Variants in FAF2 observed in about 807,000 individuals in gnomAD.
The protein encoded by FAF2 is Fas associated factor family member 2, also known as FAS-associated factor 2.
In FAF2, 9 loss-of-function variants were observed where a neutral mutation model predicts 62.3. The ratio of observed to expected loss-of-function variants is 0.14; its 90% CI spans 0.09 to 0.25. The LOEUF (loss-of-function observed/expected upper bound fraction) is 0.25. Among genes scored for constraint, FAF2 ranks in the 10% least tolerant of loss-of-function variants. The probability of loss-of-function intolerance (pLI) is 1.00; values close to 1 mark genes in which losing one functional copy is unlikely to be tolerated. For synonymous variants in FAF2, 202 were observed against 198.0 expected (o/e 1.02, Z -0.17); for missense variants, 368 against 556.2 (o/e 0.66, Z 3.40).
chr5:176,510,029 CATTGT>C lies in FAF2; in HGVS notation c.*3086_*3090del, dbSNP rs929069924. ...TTTAAATTTTTTTCATAAAAGTTTA[CATTGT>C]ATTGTAGGTTAACATTAAATGTTTT... On this transcript the variant is annotated 3_prime_UTR_variant, in exon 11 of 11. Transcript: ENST00000261942. The C allele has an allele frequency of 2.0e-5, 3 of 152,582 alleles. No homozygotes were observed. Among genetic ancestry groups the C allele is most frequent in the African/African-American group, 4.8e-5 (2 of 41,440 alleles). The allele number at this position is 152,582 out of a possible 1,614,324, so 9.5% of individuals were successfully genotyped here. A position where few individuals can be genotyped will look rare whatever the true frequency, so the allele number is the denominator to read the frequency against.
intron 10 of FAF2, among the ~76,000 whole-genome samples, chr5:176,505,880 G>A (rs1052581633): frequency 6.6e-6 from 1 of 152,124 alleles, no homozygotes; most frequent in South Asian, 2.1e-4. Flanking sequence ...CTTAAAACTG[G>A]ATCCTTGGCT....
At chr5:176,466,232 C>A (rs1561817742) in intron 1 of FAF2, among the ~76,000 whole-genome samples, 1 of 152,168 alleles carries the variant, frequency 6.6e-6, no homozygotes, top group Non-Finnish European at 1.5e-5. Flanking sequence ...TTTCAGATTT[C>A]ATTTCTCCTG....
chr5:176,475,519 G>A (rs1356719219), intron 1 of FAF2, among the ~76,000 whole-genome samples: 1 of 152,138 alleles, frequency 6.6e-6, no homozygotes, highest in Non-Finnish European at 1.5e-5. Flanking sequence ...GCTCACGCCT[G>A]TAATCCCAAC....
chr5:176,451,622 T>C (rs1758170972), intron 1 of FAF2, among the ~76,000 whole-genome samples: 1 of 149,904 alleles, frequency 6.7e-6, no homozygotes, highest in African/African-American at 2.5e-5. Flanking sequence ...CTTTCACAAG[T>C]AGTAAGTGGT....
intron 2 of FAF2, among the ~76,000 whole-genome samples, chr5:176,485,192 T>A (rs971070207): frequency 6.6e-6 from 1 of 152,196 alleles, no homozygotes; most frequent in African/African-American, 2.4e-5. Context: ...TTGGAACATA[T>A]CCCTGTGGAT....
intron 1 of FAF2, among the ~76,000 whole-genome samples, chr5:176,465,490 C>G (rs1190680622): frequency 6.6e-6 from 1 of 150,852 alleles, no homozygotes; most frequent in African/African-American, 2.4e-5. Flanking sequence ...GCTTCAACCT[C>G]TTGAGTAGCT....
chr5:176,490,157 A>G (rs1758948948), intron 4 of FAF2, among the ~76,000 whole-genome samples: 1 of 151,970 alleles, frequency 6.6e-6, no homozygotes, highest in African/African-American at 2.4e-5. Flanking sequence ...TAAAAATACA[A>G]AAAATTAGCC....
chr5:176,486,004 C>T (rs965545424), intron 2 of FAF2, among the ~76,000 whole-genome samples: 12 of 152,348 alleles, frequency 7.9e-5, no homozygotes, highest in African/African-American at 2.9e-4. Flanking sequence ...GTACTGCCTA[C>T]ATTGTATTCT....
chr5:176,464,828 G>C (rs1758436379), intron 1 of FAF2, among the ~76,000 whole-genome samples: 1 of 151,738 alleles, frequency 6.6e-6, no homozygotes, highest in African/African-American at 2.4e-5. Context: ...ACCTTTCAAA[G>C]CCTTTACAAG....
At chr5:176,450,821 G>A (rs1479155226) in intron 1 of FAF2, among the ~76,000 whole-genome samples, 2 of 152,170 alleles carry the variant, frequency 1.3e-5, no homozygotes, top group African/African-American at 2.4e-5. Flanking sequence ...GATTACAGGC[G>A]TGAGCCGCCG....
In FAF2 at chr5:176,467,339, G is replaced by T. The variant is rs114935968; in HGVS notation, c.64-11849G>T. Among the ~76,000 whole-genome samples, 1,008 of 151,336 alleles carry T rather than the reference G, an allele frequency of 6.7e-3. 11 individuals carry two copies. The highest frequency in any genetic ancestry group is 0.023 in the African/African-American group (948 of 41,236). On this transcript the variant is annotated intron_variant, in intron 1 of 10. Coordinates refer to ENST00000261942, the MANE Select transcript of FAF2 (RefSeq NM_014613.3). ...CAGTAGACTTTTTTTGGTTTTTTTT[G>T]GTTTTTTTTTGAGTCAGTGTCGCCC...
rs545702827 is a variant in FAF2 at position 176,509,516 on chromosome 5, G to A, written c.*2566G>A. ...CACGACTGAAGTTGTAGATTGAGCTGAATAACCATGGGAAGTGACCAAGCA... is the reference window on the plus strand; with the variant it reads ...CACGACTGAAGTTGTAGATTGAGCTAAATAACCATGGGAAGTGACCAAGCA... On this transcript the variant is annotated 3_prime_UTR_variant, in exon 11 of 11. Coordinates refer to ENST00000261942, the MANE Select transcript of FAF2 (RefSeq NM_014613.3). The A allele has an allele frequency of 3.9e-5, 6 of 152,624 alleles. No homozygotes were observed. The highest frequency in any genetic ancestry group is 2.1e-4 in the South Asian group (1 of 4,824). The allele number at this position is 152,624 out of a possible 1,614,324, so 9.5% of individuals were successfully genotyped here. A position where few individuals can be genotyped will look rare whatever the true frequency, so the allele number is the denominator to read the frequency against.
Position 176,482,277 on chromosome 5 carries a change from G to T in FAF2, c.132+3021G>T, listed in dbSNP as rs560095438. On this transcript the variant is annotated intron_variant, in intron 2 of 10. Transcript: ENST00000261942. The stretch of plus-strand genomic sequence containing the variant: ...CTGTGGCACAGGCTAGAGTGCAGAG[G>T]CGTGATCACGGCTCACTGCAACCTC... Among the ~76,000 whole-genome samples, 309 of 151,534 alleles carry T rather than the reference G, an allele frequency of 2.0e-3. 5 individuals carry two copies. Among genetic ancestry groups the T allele is most frequent in the African/African-American group, 7.3e-3 (300 of 41,288 alleles).
At chr5:176,499,749 T>C (rs1755560884) in intron 9 of FAF2, among the ~76,000 whole-genome samples, 1 of 152,108 alleles carries the variant, frequency 6.6e-6, no homozygotes, top group African/African-American at 2.4e-5. Context: ...GCCTCTGAAG[T>C]AGCTGGAACT....
Position 176,507,346 on chromosome 5 carries a change from A to G in FAF2, c.*396A>G, listed in dbSNP as rs1019559674. On this transcript the variant is annotated 3_prime_UTR_variant, in exon 11 of 11. Coordinates refer to ENST00000261942, the MANE Select transcript of FAF2 (RefSeq NM_014613.3). The stretch of plus-strand genomic sequence containing the variant: ...AAAATAAAAGTGAAAAACCTCCATC[A>G]ACCAGCTACTTGCAGCATCTCCTGA... 2.2e-6 allele frequency: 1 copy of G among 453,542 alleles called. No individual in the cohort carries two copies. The highest frequency in any genetic ancestry group is 2.0e-5 in the African/African-American group (1 of 49,996). 28.1% of individuals were successfully genotyped at this position (453,542 alleles called of 1,614,324 possible).
At chr5:176,503,735 G>T (rs1025999551) in intron 10 of FAF2, among the ~76,000 whole-genome samples, 5 of 152,138 alleles carry the variant, frequency 3.3e-5, no homozygotes, top group Admixed American at 2.6e-4. Context: ...AAAAGAGGCA[G>T]CTGACTTTGT....
At chr5:176,467,824 T>C (rs1227770239) in intron 1 of FAF2, among the ~76,000 whole-genome samples, 1 of 152,242 alleles carries the variant, frequency 6.6e-6, no homozygotes, top group Non-Finnish European at 1.5e-5. Context: ...TGTTAGTTCC[T>C]GACACAGAGT....
chr5:176,490,045 C>G (rs1466599971), intron 4 of FAF2, among the ~76,000 whole-genome samples: 1 of 152,190 alleles, frequency 6.6e-6, no homozygotes, highest in Non-Finnish European at 1.5e-5. Context: ...GGCTCTGTGG[C>G]TCACGCCTGT....
intron 1 of FAF2, among the ~76,000 whole-genome samples, chr5:176,463,635 A>G (rs575086162): frequency 6.6e-6 from 1 of 151,622 alleles, no homozygotes; most frequent in Non-Finnish European, 1.5e-5. Flanking sequence ...TTTTATTTAC[A>G]TTTTACCAGT....
Sources: allele counts gnomAD v4.1 joint callset (sites outside exome capture counted in the v4.1 genomes callset), GRCh38; gene constraint gnomAD v4.1.1; transcripts MANE v1.5; gene names NCBI Gene and HGNC (gene_info 2026-07-23, HGNC 2026-07-21).